The following RPS15A variants were observed in gnomAD, a reference collection of about 807,000 sequenced individuals.
The protein encoded by RPS15A is small ribosomal subunit protein uS8.
For missense variants in RPS15A, 62 were observed against 163.4 expected (o/e 0.38, Z 3.38); for synonymous variants, 55 against 58.5 (o/e 0.94, Z 0.27).
In RPS15A at chr16:18,788,136, A is replaced by G. The variant is rs779612738; in HGVS notation, c.140T>C (p.Ile47Thr). The G allele has an allele frequency of 6.9e-6, 11 of 1,605,540 alleles. No homozygotes were observed. Among genetic ancestry groups the G allele is most frequent in the South Asian group, 3.3e-5 (3 of 90,934 alleles). Reference protein sequence around the residue: ...FLTVMMKHGYIGEFEIIDDHR... With the variant: ...FLTVMMKHGYTGEFEIIDDHR... ...GTCATCAATGATTTCAAATTCGCCA[A>G]TGTAACCTACAAAAGATAACTGACT... The change falls in exon 3 of 5, where the codon ATT (isoleucine) becomes ACT (threonine). Residue 47 changes from isoleucine (I) to threonine (T), a missense_variant. Physicochemically the swap from Ile to Thr is moderately conservative, Grantham distance 89. Coordinates refer to ENST00000322989, the MANE Select transcript of RPS15A (RefSeq NM_001019.5).
In RPS15A at chr16:18,788,023, A is replaced by C. The variant is rs377402245; in HGVS notation, c.213+40T>G. 1.7e-5 allele frequency: 22 copies of C among 1,297,260 alleles called. No homozygotes were observed. The African/African-American group carries it at 2.0e-4, about 12-fold the overall frequency. 80.4% of individuals were successfully genotyped at this position (1,297,260 alleles called of 1,614,324 possible). A position where few individuals can be genotyped will look rare whatever the true frequency, so the allele number is the denominator to read the frequency against. ...ACAACATTTAACGCCACAGTAAAAA[A>C]TTCTTAAAGCTTTGAAATGTGTAGA... On this transcript the variant is annotated intron_variant, in intron 3 of 4. Coordinates refer to ENST00000322989, the MANE Select transcript of RPS15A (RefSeq NM_001019.5).
At chr16:18,783,364 A>G in intron 4 of RPS15A, 1 of 473,566 alleles carries the variant, frequency 2.1e-6, no homozygotes, top group South Asian at 2.6e-5. Flanking sequence ...ACTGCACTGA[A>G]AACAAAGGCT....
chr16:18,789,858 C>T (rs187227803), intron 1 of RPS15A: 3 of 152,248 alleles, frequency 2.0e-5, no homozygotes, highest in Admixed American at 1.3e-4. Context: ...CAAGTTGGCA[C>T]CCAGCAAACT....
At chr16:18,783,810 C>T (rs1293366200) in intron 4 of RPS15A, 6 of 419,956 alleles carry the variant, frequency 1.4e-5, no homozygotes, top group South Asian at 8.4e-5. Context: ...ACCACTTTTA[C>T]GGATGAAGAA....
At chr16:18,789,209 C>G in intron 1 of RPS15A, 91 bp from the exon 2 acceptor site, 1 of 1,320,702 alleles carries the variant, frequency 7.6e-7, no homozygotes, top group Non-Finnish European at 1.0e-6. Context: ...CCTTTCCTTT[C>G]TGGCCCCACC....
chr16:18,787,563 A>G (rs1043295608), intron 3 of RPS15A, among the ~76,000 whole-genome samples: 7 of 152,360 alleles, frequency 4.6e-5, no homozygotes, highest in Admixed American at 2.0e-4. Context: ...TACTTGGTTA[A>G]GGTGTTGACA....
intron 3 of RPS15A, chr16:18,786,192 C>A: frequency 4.9e-6 from 1 of 206,046 alleles, no homozygotes; most frequent in Non-Finnish European, 1.0e-5. Context: ...TGGCGAAACC[C>A]CGTCTTTACC....
rs748666289 is a variant in RPS15A at position 18,788,152 on chromosome 16, A to G, written c.134-10T>C. On this transcript the variant is annotated splice_polypyrimidine_tract_variant and intron_variant, in intron 2 of 4. Transcript: ENST00000322989. ...AATTCGCCAATGTAACCTACAAAAG[A>G]TAACTGACTGGATTAAATAAAAGAC... The G allele has an allele frequency of 5.1e-6, 8 of 1,565,088 alleles. No individual in the cohort carries two copies. The highest frequency in any genetic ancestry group is 2.2e-5 in the East Asian group (1 of 44,628).
At position 18,788,994 on chromosome 16, in the gene RPS15A, C is replaced by G. The variant is rs201021207; in HGVS notation, c.120G>C (p.Val40=). 68 of 1,612,824 alleles carry G rather than the reference C, an allele frequency of 4.2e-5. No individual in the cohort carries two copies. The Admixed American group carries it at 1.1e-3, about 25-fold the overall frequency. The change falls in exon 2 of 5, where the codon GTG becomes GTC. Residue 40 remains valine (V), a synonymous_variant. Coordinates refer to ENST00000322989, the MANE Select transcript of RPS15A (RefSeq NM_001019.5). ...CAGCAGACTTACCATGCTTCATCAT[C>G]ACAGTGAGAAACCGGACGATGACTT... ...CSKVIVRFLT[V]MMKHGYIGEF... is the part of the protein sequence containing the mutation.
intron 4 of RPS15A, chr16:18,783,992 C>T (rs562771684): frequency 1.3e-3 from 292 of 223,512 alleles, no homozygotes; most frequent in Non-Finnish European, 2.1e-3. Flanking sequence ...CTGCAGTGAG[C>T]CAAAAGGGCA....
In RPS15A at chr16:18,788,142, C is replaced by T; in HGVS notation, c.134G>A (p.Gly45Asp). The part of the protein sequence containing the change: ...VRFLTVMMKH[G>D]YIGEFEIIDD... ...AATGATTTCAAATTCGCCAATGTAA[C>T]CTACAAAAGATAACTGACTGGATTA... Residue 45 changes from glycine (G) to aspartate (D), a missense_variant and splice_region_variant, in exon 3 of 5, where the codon GGT becomes GAT. Gly to Asp is a moderately conservative substitution (Grantham distance 94). Coordinates refer to ENST00000322989, the MANE Select transcript of RPS15A (RefSeq NM_001019.5). 1 of 1,598,344 alleles carries T rather than the reference C, an allele frequency of 6.3e-7. No individual in the cohort carries two copies. Among genetic ancestry groups the T allele is most frequent in the Non-Finnish European group, 8.6e-7 (1 of 1,166,318 alleles).
Position 18,782,398 on chromosome 16 carries a change from C to A in RPS15A, c.*611G>T, listed in dbSNP as rs1903978758. ...TATCTACAGAATAATCCTAGCCAGG[C>A]AAAACAAATTCATCAAAAACTAATA... is the stretch of plus-strand genomic sequence containing the variant. On this transcript the variant is annotated 3_prime_UTR_variant, in exon 5 of 5. Transcript: ENST00000322989. 1 of 149,082 alleles carries A rather than the reference C, an allele frequency of 6.7e-6. No homozygotes were observed. Among genetic ancestry groups the A allele is most frequent in the African/African-American group, 2.5e-5 (1 of 40,512 alleles). 9.2% of individuals were successfully genotyped at this position (149,082 alleles called of 1,614,324 possible).
At chr16:18,788,761 T>C in intron 2 of RPS15A, 1 of 496,968 alleles carries the variant, frequency 2.0e-6, no homozygotes, top group Non-Finnish European at 3.6e-6. Flanking sequence ...TTAGATTCAT[T>C]TAGCTCCCAA....
chr16:18,782,899 T>C lies in RPS15A; in HGVS notation c.*110A>G, dbSNP rs982936740. 3 of 658,108 alleles carry C rather than the reference T, an allele frequency of 4.6e-6. No homozygotes were observed. Among genetic ancestry groups the C allele is most frequent in the Admixed American group, 2.6e-5 (1 of 38,046 alleles). 40.8% of individuals were successfully genotyped at this position (658,108 alleles called of 1,614,324 possible). ...CGCATTCACCGATAAACGAAGCAAC[T>C]GCATGCTGCCGCAGAAGCTGTGGCT... On this transcript the variant is annotated 3_prime_UTR_variant, in exon 5 of 5. Coordinates refer to ENST00000322989, the MANE Select transcript of RPS15A (RefSeq NM_001019.5).
chr16:18,783,160 A>G lies in RPS15A; in HGVS notation c.300-58T>C, dbSNP rs1903991393. 6 of 1,145,848 alleles carry G rather than the reference A, an allele frequency of 5.2e-6. No homozygotes were observed. The East Asian group carries it at 1.2e-4, about 22-fold the overall frequency. The allele number at this position is 1,145,848 out of a possible 1,614,324, so 71.0% of individuals were successfully genotyped here. On this transcript the variant is annotated intron_variant, in intron 4 of 4. Transcript: ENST00000322989. ...TTAATAGTTCAACATAGTGCCTTCT[A>G]GTGCAGAAAAACATCAACACTCATC...
chr16:18,789,461 G>A (rs1235638690), intron 1 of RPS15A, among the ~76,000 whole-genome samples: 1 of 152,246 alleles, frequency 6.6e-6, no homozygotes, highest in Non-Finnish European at 1.5e-5. Context: ...GAAACTGCCA[G>A]CTACCGGAAG....
chr16:18,786,087 GAAACCA>G (rs1567287305), intron 3 of RPS15A: 1 of 153,276 alleles, frequency 6.5e-6, no homozygotes, highest in Non-Finnish European at 1.5e-5. Context: ...GAAATTCCAA[GAAACCA>G]AAAATTGTTT....
At chr16:18,788,735 G>T (rs2029952060) in intron 2 of RPS15A, 1 of 437,788 alleles carries the variant, frequency 2.3e-6, no homozygotes, top group Non-Finnish European at 4.2e-6. Flanking sequence ...ATGAGCTCAG[G>T]AGTCCTTTCA....
Position 18,788,653 on chromosome 16 carries a change from T to C in RPS15A, c.133+328A>G, listed in dbSNP as rs917583239. 14 of 224,128 alleles carry C rather than the reference T, an allele frequency of 6.2e-5. No individual in the cohort carries two copies. The Admixed American group carries it at 7.3e-4, about 12-fold the overall frequency. The allele number at this position is 224,128 out of a possible 1,614,324, so 13.9% of individuals were successfully genotyped here. On this transcript the variant is annotated intron_variant, in intron 2 of 4. Transcript: ENST00000322989. Reference sequence around the variant, plus strand: ...ACAGGCGCCTGCCACCACGACCGGCTGATTTTTGTTTTTGTTTTTTGTTTT... The same window carrying C: ...ACAGGCGCCTGCCACCACGACCGGCCGATTTTTGTTTTTGTTTTTTGTTTT...
Sources: allele counts gnomAD v4.1 joint callset (sites outside exome capture counted in the v4.1 genomes callset), GRCh38; gene constraint gnomAD v4.1.1; transcripts MANE v1.5; gene names NCBI Gene and HGNC (gene_info 2026-07-23, HGNC 2026-07-21).